GRID1: variants seen among roughly 807,000 people sequenced by gnomAD.
The protein encoded by GRID1 is glutamate ionotropic receptor delta type subunit 1, also known as glutamate receptor ionotropic, delta-1.
GRID1 carries 28 observed loss-of-function variants against 98.0 expected under a neutral mutation model. The observed-to-expected ratio is 0.29, with a 90% CI of 0.21 to 0.39. The LOEUF is 0.39. GRID1 is among the 10% of genes least tolerant of loss of function. The pLI is 1.00. For missense variants in GRID1, 1,111 were observed against 1,340.5 expected (o/e 0.83, Z 2.67); for synonymous variants, 553 against 538.5 (o/e 1.03, Z -0.37).
At chr10:86,197,611 C>T (rs937551594) in intron 3 of GRID1, among the ~76,000 whole-genome samples, 5 of 151,972 alleles carry the variant, frequency 3.3e-5, no homozygotes, top group Admixed American at 6.6e-5. Flanking sequence ...AAACGGGGGA[C>T]GATCTGGACA....
rs1047840705 is a variant in GRID1 at position 86,208,729 on chromosome 10, A to T, written c.236-2081T>A. 3.3e-5 allele frequency among the ~76,000 whole-genome samples: 5 copies of T among 152,348 alleles called. No individual in the cohort carries two copies. The East Asian group carries it at 9.6e-4, about 29-fold the overall frequency. ...CCCAGGCTCCAGGAGGACCAGGGTC[A>T]TGCCTGCTGTGTTCACCATCCTTTC... On this transcript the variant is annotated intron_variant, in intron 2 of 15. Transcript: ENST00000327946.
intron 2 of GRID1, among the ~76,000 whole-genome samples, chr10:86,323,243 G>A (rs1847995376): frequency 6.6e-6 from 1 of 152,212 alleles, no homozygotes; most frequent in South Asian, 2.1e-4. Context: ...TAGCTGAAGG[G>A]ATGTGGGGCT....
At chr10:85,882,182 A>G (rs1291211985) in intron 5 of GRID1, among the ~76,000 whole-genome samples, 2 of 152,212 alleles carry the variant, frequency 1.3e-5, no homozygotes, top group Non-Finnish European at 2.9e-5. Context: ...GTGGGACTGT[A>G]AACTAGTTCA....
intron 4 of GRID1, among the ~76,000 whole-genome samples, chr10:86,133,468 C>A (rs1407916848): frequency 1.3e-5 from 2 of 152,222 alleles, no homozygotes; most frequent in Non-Finnish European, 2.9e-5. Context: ...GTCCCACCTG[C>A]AGGAGCAGCC....
intron 2 of GRID1, among the ~76,000 whole-genome samples, chr10:86,223,224 G>T (rs74149232): frequency 0.012 from 1,823 of 152,308 alleles, 41 homozygotes; most frequent in African/African-American, 0.041. Context: ...ACAGTAGGTT[G>T]CTCTGGTGCT....
chr10:85,631,443 G>C (rs1262668048), intron 13 of GRID1, among the ~76,000 whole-genome samples: 1 of 152,142 alleles, frequency 6.6e-6, no homozygotes, highest in African/African-American at 2.4e-5. Context: ...ATTCCCTTTT[G>C]GGGCCTCCAG....
intron 4 of GRID1, among the ~76,000 whole-genome samples, chr10:86,085,694 C>T (rs777584786): frequency 6.6e-6 from 1 of 152,144 alleles, no homozygotes; most frequent in African/African-American, 2.4e-5. Flanking sequence ...AGAGCTGTCA[C>T]CTCCATCCAA....
chr10:86,305,355 T>C (rs2353275), intron 2 of GRID1, among the ~76,000 whole-genome samples: 121,010 of 152,236 alleles, frequency 0.79, 50,509 homozygotes, highest in East Asian at 0.98. Flanking sequence ...TGCTCTGAGA[T>C]GTGTCCCATA....
At chr10:86,148,644 G>A (rs1194281331) in intron 3 of GRID1, among the ~76,000 whole-genome samples, 2 of 152,124 alleles carry the variant, frequency 1.3e-5, no homozygotes, top group South Asian at 4.1e-4. Context: ...AAGCATGTGA[G>A]ATAATGCATA....
Position 86,366,468 on chromosome 10 carries a change from C to G in GRID1, c.-76G>C, listed in dbSNP as rs1402836222. 2.8e-6 allele frequency: 3 copies of G among 1,073,210 alleles called. No homozygotes were observed. The African/African-American group carries it at 5.0e-5, about 18-fold the overall frequency. 66.5% of individuals were successfully genotyped at this position (1,073,210 alleles called of 1,614,324 possible). On this transcript the variant is annotated 5_prime_UTR_variant, in exon 1 of 16. Coordinates refer to ENST00000327946, the MANE Select transcript of GRID1 (RefSeq NM_017551.3). This position sits in a 1 kb window ranked among gnomAD's most constrained non-coding sequence, Gnocchi z 4.1. ...CAGCGCGAAGCGGGGAGGCGCTGGTCCCGGTGCAGTCCCGGGCCGCTCCCC... is the reference window on the plus strand; with the variant it reads ...CAGCGCGAAGCGGGGAGGCGCTGGTGCCGGTGCAGTCCCGGGCCGCTCCCC...
chr10:85,849,206 T>A (rs1843034991), intron 8 of GRID1, among the ~76,000 whole-genome samples: 1 of 152,182 alleles, frequency 6.6e-6, no homozygotes, highest in Admixed American at 6.5e-5. Context: ...GCATAGCAGA[T>A]CTGCACGAGG....
In GRID1 at chr10:86,084,559, G is replaced by A. The variant is rs996390795; in HGVS notation, c.726+54260C>T. 2.0e-5 allele frequency among the ~76,000 whole-genome samples: 3 copies of A among 152,182 alleles called. No homozygotes were observed. The South Asian group carries it at 6.2e-4, about 32-fold the overall frequency. On this transcript the variant is annotated intron_variant, in intron 4 of 15. Transcript: ENST00000327946. ...CATATACCCAAAATAAGTGAAAGCAGGGTCTCAAAGAGATACTTGCACACC... is the reference window on the plus strand; with the variant it reads ...CATATACCCAAAATAAGTGAAAGCAAGGTCTCAAAGAGATACTTGCACACC...
At chr10:85,735,757 A>G (rs964325504) in intron 8 of GRID1, among the ~76,000 whole-genome samples, 2 of 151,858 alleles carry the variant, frequency 1.3e-5, no homozygotes, top group Non-Finnish European at 2.9e-5. Flanking sequence ...TTTCATATAG[A>G]GAGCATTGTA....
At chr10:86,138,797 G>A in intron 4 of GRID1, 22 bp downstream of exon 4, 1 of 1,597,756 alleles carries the variant, frequency 6.3e-7, no homozygotes, top group Non-Finnish European at 8.6e-7. Flanking sequence ...GGCCCCTGAG[G>A]CCTCAGGCCC....
chr10:86,248,745 G>C (rs1415770754), intron 2 of GRID1, among the ~76,000 whole-genome samples: 2 of 151,776 alleles, frequency 1.3e-5, no homozygotes, highest in African/African-American at 4.8e-5. Context: ...GCTAATTTTT[G>C]TATTTTTTGT....
At chr10:86,134,257 C>T (rs745517374) in intron 4 of GRID1, among the ~76,000 whole-genome samples, 4 of 152,226 alleles carry the variant, frequency 2.6e-5, no homozygotes, top group African/African-American at 7.2e-5. Flanking sequence ...GAATTCCATG[C>T]CCCTCAGCAT....
rs200832384 is a variant in GRID1, at chr10:85,996,829, C to CAA, written c.727-80592_727-80591dup. ...GGGCGACAAAAGCGAAACTCCATCT[C>CAA]AAAAAAAAAAAAAAGAAAGAAAGAA... is the stretch of plus-strand genomic sequence containing the variant. On this transcript the variant is annotated intron_variant, in intron 4 of 15. Coordinates refer to ENST00000327946, the MANE Select transcript of GRID1 (RefSeq NM_017551.3). Among the ~76,000 whole-genome samples, 447 of 67,844 alleles carry CAA rather than the reference C, an allele frequency of 6.6e-3. 4 individuals are homozygous for CAA. The highest frequency in any genetic ancestry group is 0.018 in the Middle Eastern group (2 of 114). The allele number at this position is 67,844 out of a possible 152,430, so 44.5% of individuals were successfully genotyped here. A position where few individuals can be genotyped will look rare whatever the true frequency, so the allele number is the denominator to read the frequency against.
intron 2 of GRID1, among the ~76,000 whole-genome samples, chr10:86,292,830 G>A (rs1430440840): frequency 6.6e-6 from 1 of 152,058 alleles, no homozygotes; most frequent in Non-Finnish European, 1.5e-5. Context: ...GTGAGTTTGT[G>A]TGGGACTGTA....
intron 4 of GRID1, among the ~76,000 whole-genome samples, chr10:86,132,752 C>T (rs1452247270): frequency 6.6e-6 from 1 of 152,182 alleles, no homozygotes; most frequent in Non-Finnish European, 1.5e-5. Context: ...ATTCAAATTG[C>T]GGGAGCTTCA....
Sources: gnomAD v4.1 joint callset for allele counts (sites outside exome capture counted in the v4.1 genomes callset) on GRCh38, gnomAD v4.1.1 for gene constraint, Gnocchi (gnomAD v3.1) non-coding constraint, MANE v1.5 for transcripts, NCBI Gene and HGNC (gene_info 2026-07-23, HGNC 2026-07-21) for gene names.